The following USP13 variants were observed in gnomAD, a reference collection of about 807,000 sequenced individuals.
USP13 encodes the protein ubiquitin specific peptidase 13, also known as ubiquitin carboxyl-terminal hydrolase 13.
USP13 carries 68 observed loss-of-function variants against 107.8 expected under a neutral mutation model. That is an observed-to-expected ratio of 0.63 (90% CI 0.52 to 0.77). The LOEUF is 0.77. Among genes scored for constraint, USP13 ranks in the 30% least tolerant of loss-of-function variants. The probability of loss-of-function intolerance (pLI) is 0.00; values close to 1 mark genes in which losing one functional copy is unlikely to be tolerated. For missense variants in USP13, 945 were observed against 1,093.3 expected (o/e 0.86, Z 1.91); for synonymous variants, 377 against 389.5 (o/e 0.97, Z 0.38).
rs1715910170 is a variant in USP13 at position 179,786,149 on chromosome 3, G to C, written c.*2008G>C. 6.6e-6 allele frequency: 1 copy of C among 152,134 alleles called. No homozygotes were observed. The highest frequency in any genetic ancestry group is 1.5e-5 in the Non-Finnish European group (1 of 68,042). The allele number at this position is 152,134 out of a possible 1,614,324, so 9.4% of individuals were successfully genotyped here. On this transcript the variant is annotated 3_prime_UTR_variant, in exon 21 of 21. Transcript: ENST00000263966. ...CTAAAGCAGTCCCACTCTGTTATGA[G>C]AGTCACTGACTCCCGTGGACATCCC... is the stretch of plus-strand genomic sequence containing the variant.
intron 13 of USP13, among the ~76,000 whole-genome samples, chr3:179,748,978 T>C (rs973290373): frequency 6.6e-6 from 1 of 152,194 alleles, no homozygotes; most frequent in South Asian, 2.1e-4. Flanking sequence ...AGGGCAAATA[T>C]AGGATGGAGT....
chr3:179,676,051 G>A (rs979554007), intron 1 of USP13, among the ~76,000 whole-genome samples: 20 of 152,092 alleles, frequency 1.3e-4, no homozygotes, highest in Admixed American at 5.9e-4. Flanking sequence ...TCCTGTTCTC[G>A]TGATAGTGAG....
chr3:179,659,239 T>C (rs1256995951), intron 1 of USP13, among the ~76,000 whole-genome samples: 1 of 152,198 alleles, frequency 6.6e-6, no homozygotes, highest in Non-Finnish European at 1.5e-5. Flanking sequence ...CATCTACTTG[T>C]GGGAACACTT....
chr3:179,759,074 C>A (rs192473443), intron 16 of USP13, among the ~76,000 whole-genome samples: 1 of 152,044 alleles, frequency 6.6e-6, no homozygotes, highest in Non-Finnish European at 1.5e-5. Flanking sequence ...CTCTGCCTCC[C>A]GGGTTCAAGC....
At chr3:179,697,340 C>T (rs1712361746) in intron 3 of USP13, among the ~76,000 whole-genome samples, 3 of 152,188 alleles carry the variant, frequency 2.0e-5, no homozygotes, top group East Asian at 3.9e-4. Flanking sequence ...ATTTTGCAGC[C>T]CTTGGACAGA....
chr3:179,684,670 C>G (rs1005376945), intron 2 of USP13, among the ~76,000 whole-genome samples: 2 of 152,154 alleles, frequency 1.3e-5, no homozygotes, highest in Non-Finnish European at 1.5e-5. Flanking sequence ...TCTCTCTTCA[C>G]TCTCTCAGTT....
At position 179,781,339 on chromosome 3, in the gene USP13, AT is replaced by A. The variant is rs374574305; in HGVS notation, c.2414-389del. On this transcript the variant is annotated intron_variant, in intron 19 of 20. Transcript: ENST00000263966. ...TTATACAACCCTGCGAAGTGGGTGG[AT>A]TTTTTTTTTTAATCCCCACAAAGAA... is the stretch of plus-strand genomic sequence containing the variant. Among the ~76,000 whole-genome samples the A allele has an allele frequency of 2.5e-3, 375 of 147,946 alleles. 2 individuals carry two copies. The highest frequency in any genetic ancestry group is 0.014 in the East Asian group (71 of 5,090).
chr3:179,750,362 TCAGA>T (rs1714568810), intron 13 of USP13, among the ~76,000 whole-genome samples: 2 of 141,452 alleles, frequency 1.4e-5, no homozygotes, highest in South Asian at 2.2e-4. Flanking sequence ...ATATAAAATA[TCAGA>T]CAGAGTTTGT....
rs149947980 is a variant in USP13, at chr3:179,757,054, C to T, written c.1924C>T (p.Arg642Cys). The change falls in exon 16 of 21, where the codon CGC (arginine) becomes TGC (cysteine). Residue 642 changes from arginine (R) to cysteine (C), a missense_variant and splice_region_variant. Arg to Cys is a radical substitution (Grantham distance 180). Transcript: ENST00000263966. ...CTGTCCTCTCCCTTAATTTCCAGAT[C>T]GCCTGATGAACCAATTGATAGACCG... ...PIVIPDDSKD[R>C]LMNQLIDPSD... 1.1e-5 allele frequency: 17 copies of T among 1,613,882 alleles called. No homozygotes were observed. The Middle Eastern group carries it at 4.9e-4, about 47-fold the overall frequency.
At position 179,707,071 on chromosome 3, in the gene USP13, T is replaced by C. The variant is rs747513277; in HGVS notation, c.615T>C (p.Pro205=). ...AGCTGGACAATGGAGTCAGGATTCC[T>C]CCAAGGTGAGAGTCAGATAGCAGAA... ...LTQLDNGVRI[P]PSGWKCARCD... The change falls in exon 5 of 21, where the codon CCT becomes CCC. Residue 205 remains proline (P), a synonymous_variant. Coordinates refer to ENST00000263966, the MANE Select transcript of USP13 (RefSeq NM_003940.3). 4.1e-5 allele frequency: 66 copies of C among 1,613,346 alleles called. No individual in the cohort carries two copies. The highest frequency in any genetic ancestry group is 5.5e-5 in the Non-Finnish European group (65 of 1,179,782).
At chr3:179,780,845 G>A (rs185883237) in intron 19 of USP13, among the ~76,000 whole-genome samples, 6 of 152,246 alleles carry the variant, frequency 3.9e-5, no homozygotes, top group African/African-American at 1.4e-4. Flanking sequence ...AGTAAAAGTG[G>A]AGCACTAGCA....
chr3:179,720,085 G>A (rs878912299), intron 7 of USP13, 51 bp downstream of exon 7: 7 of 1,410,278 alleles, frequency 5.0e-6, no homozygotes, highest in Non-Finnish European at 6.9e-6. Context: ...TAGGGGTGGG[G>A]AGACGGCAAG....
In USP13 at chr3:179,720,871, C is replaced by T. The variant is rs140443905; in HGVS notation, c.901-531C>T. Among the ~76,000 whole-genome samples, 376 of 150,946 alleles carry T rather than the reference C, an allele frequency of 2.5e-3. 4 individuals are homozygous for T. Among genetic ancestry groups the T allele is most frequent in the African/African-American group, 9.0e-3 (367 of 40,966 alleles). On this transcript the variant is annotated intron_variant, in intron 7 of 20. Coordinates refer to ENST00000263966, the MANE Select transcript of USP13 (RefSeq NM_003940.3). ...TTGCCCAGGCTGGAGTGCAGTGGCG[C>T]GATCTCAGCTCACTGAAACCTCCGC...
intron 19 of USP13, among the ~76,000 whole-genome samples, chr3:179,771,308 A>G (rs919007914): frequency 3.9e-5 from 6 of 152,188 alleles, no homozygotes; most frequent in African/African-American, 1.2e-4. Flanking sequence ...AGACTCCGTT[A>G]TGTGCCCTGT....
At chr3:179,728,975 G>GGA (rs1430494677) in intron 8 of USP13, among the ~76,000 whole-genome samples, 3 of 121,912 alleles carry the variant, frequency 2.5e-5, no homozygotes, top group Non-Finnish European at 5.5e-5. Context: ...GTGGGGAGAC[G>GGA]GAGAGGAAGA....
rs898745315 is a variant in USP13 at position 179,653,683 on chromosome 3, A to C, written c.168+290A>C. 2.5e-6 allele frequency: 1 copy of C among 400,438 alleles called. No individual in the cohort carries two copies. The highest frequency in any genetic ancestry group is 4.6e-6 in the Non-Finnish European group (1 of 219,526). 24.8% of individuals were successfully genotyped at this position (400,438 alleles called of 1,614,324 possible). A position where few individuals can be genotyped will look rare whatever the true frequency, so the allele number is the denominator to read the frequency against. On this transcript the variant is annotated intron_variant, in intron 1 of 20. Transcript: ENST00000263966. The surrounding 1 kb of genome is among the most constrained non-coding windows in gnomAD (Gnocchi z 4.0). ...GCCGTTTAAAGATAGATGAAATACA[A>C]GAGTTCCCTGTTCCGAACTGCACGT...
At chr3:179,745,369 G>A (rs779866097) in intron 13 of USP13, 152 bp downstream of exon 13, 79 of 956,474 alleles carry the variant, frequency 8.3e-5, no homozygotes, top group Admixed American at 4.6e-4. Context: ...CCTAACTGTC[G>A]TCAAACTTCA....
In USP13 at chr3:179,672,782, C is replaced by T. The variant is rs115761719; in HGVS notation, c.169-9096C>T. The stretch of plus-strand genomic sequence containing the variant: ...TTGTCAAGGGAAATCATTATAGAGC[C>T]CTGTGCAGTATTTCTTGACTTTCTT... On this transcript the variant is annotated intron_variant, in intron 1 of 20. Transcript: ENST00000263966. 4.8e-3 allele frequency among the ~76,000 whole-genome samples: 735 copies of T among 152,280 alleles called. 3 individuals carry two copies. Among genetic ancestry groups the T allele is most frequent in the Non-Finnish European group, 8.8e-3 (600 of 68,022 alleles).
At position 179,655,561 on chromosome 3, in the gene USP13, TGTTTTG is replaced by T. The variant is rs1560036569; in HGVS notation, c.168+2169_168+2174del. ...GATAATGGGAAGGTTTTTTTTGTTT[TGTTTTG>T]TTTTTTTTTTGAGTTTTGCTCTTGT... On this transcript the variant is annotated intron_variant, in intron 1 of 20. Coordinates refer to ENST00000263966, the MANE Select transcript of USP13 (RefSeq NM_003940.3). Among the ~76,000 whole-genome samples, 20 of 134,306 alleles carry T rather than the reference TGTTTTG, an allele frequency of 1.5e-4. 1 individual carries two copies. Among genetic ancestry groups the T allele is most frequent in the African/African-American group, 5.6e-4 (19 of 33,800 alleles). The allele number at this position is 134,306 out of a possible 152,430, so 88.1% of individuals were successfully genotyped here.
Sources: gnomAD v4.1 joint callset for allele counts (sites outside exome capture counted in the v4.1 genomes callset) on GRCh38, gnomAD v4.1.1 for gene constraint, Gnocchi (gnomAD v3.1) non-coding constraint, MANE v1.5 for transcripts, NCBI Gene and HGNC (gene_info 2026-07-23, HGNC 2026-07-21) for gene names.